ARHGAP28: variants seen among roughly 807,000 people sequenced by gnomAD.
ARHGAP28 encodes Rho GTPase activating protein 28.
ARHGAP28 carries 56 observed loss-of-function variants against 90.7 expected under a neutral mutation model. That is an observed-to-expected ratio of 0.62 (90% CI 0.50 to 0.77). The LOEUF (loss-of-function observed/expected upper bound fraction) is 0.77, where lower values mean the gene tolerates loss of function less well. ARHGAP28 is among the 30% of genes least tolerant of loss of function. ARHGAP28 has a pLI of 0.00. For synonymous variants in ARHGAP28, 308 were observed against 323.3 expected, an observed-to-expected ratio of 0.95 and a Z score of 0.51; for missense variants, 869 against 900.9, an observed-to-expected ratio of 0.96 and a Z score of 0.45.
intron 5 of ARHGAP28, 106 bp from the exon 6 acceptor site, chr18:6,868,044 A>G (rs994657892): frequency 2.3e-6 from 2 of 877,826 alleles, no homozygotes; most frequent in South Asian, 1.8e-5. Flanking sequence ...GGCTTTTTTT[A>G]TGTGAAAATA....
At chr18:6,846,805 T>C (rs2056869614) in intron 3 of ARHGAP28, among the ~76,000 whole-genome samples, 1 of 152,186 alleles carries the variant, frequency 6.6e-6, no homozygotes, top group Non-Finnish European at 1.5e-5. Flanking sequence ...GTCTTCTCTT[T>C]ACCCCGTTGG....
intron 1 of ARHGAP28, among the ~76,000 whole-genome samples, chr18:6,773,475 T>C (rs908326289): frequency 2.0e-5 from 3 of 152,240 alleles, no homozygotes; most frequent in African/African-American, 7.2e-5. Flanking sequence ...GCAGTTCTCA[T>C]AATAGCTTTG....
chr18:6,780,492 G>A (rs545407220), intron 1 of ARHGAP28, among the ~76,000 whole-genome samples: 2 of 151,988 alleles, frequency 1.3e-5, no homozygotes, highest in Admixed American at 6.6e-5. Context: ...CTTGAGCATC[G>A]GTGGAATTTG....
intron 1 of ARHGAP28, among the ~76,000 whole-genome samples, chr18:6,764,727 A>T (rs890687405): frequency 6.6e-6 from 1 of 152,218 alleles, no homozygotes; most frequent in African/African-American, 2.4e-5. Context: ...TTGTAAGGTT[A>T]TTCTGCATCT....
chr18:6,826,914 ATC>A (rs2056669035), intron 2 of ARHGAP28, among the ~76,000 whole-genome samples: 1 of 152,060 alleles, frequency 6.6e-6, no homozygotes, highest in Admixed American at 6.6e-5. Flanking sequence ...GCCTTCAAGC[ATC>A]TGTTTAACAA....
intron 3 of ARHGAP28, chr18:6,850,660 T>TAGAA: frequency 1.5e-6 from 1 of 646,098 alleles, no homozygotes; most frequent in Middle Eastern, 2.6e-4. Context: ...CTCCACCAAG[T>TAGAA]AGAATTACAT....
intron 1 of ARHGAP28, among the ~76,000 whole-genome samples, chr18:6,736,009 A>T (rs1328462291): frequency 1.3e-5 from 2 of 152,172 alleles, no homozygotes; most frequent in Admixed American, 1.3e-4. Context: ...TGTACTATAA[A>T]GTTACGATTT....
chr18:6,891,314 A>AC (rs1338804577), intron 14 of ARHGAP28, among the ~76,000 whole-genome samples: 1 of 151,144 alleles, frequency 6.6e-6, no homozygotes, highest in African/African-American at 2.4e-5. Flanking sequence ...CATTGGAGCT[A>AC]CATTTTTTTT....
intron 4 of ARHGAP28, among the ~76,000 whole-genome samples, chr18:6,851,466 T>A (rs1248076704): frequency 2.0e-5 from 3 of 152,204 alleles, no homozygotes; most frequent in African/African-American, 7.2e-5. Flanking sequence ...AATTAGAACT[T>A]TCATATATTG....
chr18:6,732,575 C>T (rs2055891689), intron 1 of ARHGAP28, among the ~76,000 whole-genome samples: 1 of 152,226 alleles, frequency 6.6e-6, no homozygotes, highest in Admixed American at 6.5e-5. Flanking sequence ...CTGAGCTGCT[C>T]CATCATGGGG....
At chr18:6,849,284 G>A (rs1206406185) in intron 3 of ARHGAP28, among the ~76,000 whole-genome samples, 3 of 150,604 alleles carry the variant, frequency 2.0e-5, no homozygotes, top group Non-Finnish European at 4.4e-5. Flanking sequence ...AAGTTAACCG[G>A]GGTAAGCGTG....
Position 6,870,669 on chromosome 18 carries a change from G to A in ARHGAP28, c.891G>A (p.Thr297=), listed in dbSNP as rs140498442. 78 of 1,612,100 alleles carry A rather than the reference G, an allele frequency of 4.8e-5. 1 individual carries two copies. In the Middle Eastern group the frequency reaches 1.6e-3, roughly 34 times the overall value. Residue 297 remains threonine (T), a synonymous_variant, in exon 7 of 18, where the codon ACG becomes ACA. Transcript: ENST00000383472. ...SFEVSYSEMV[T]EALKRNKLKK... is the part of the protein sequence containing the mutation. ...AAGTGTCTTATTCAGAAATGGTTAC[G>A]GAGGCTCTAAAAAGAAATAAACTTA...
intron 4 of ARHGAP28, among the ~76,000 whole-genome samples, chr18:6,857,693 C>T (rs752842687): frequency 3.3e-5 from 5 of 152,168 alleles, no homozygotes; most frequent in Non-Finnish European, 7.3e-5. Context: ...ATTCACCCTA[C>T]GCCTTCACCT....
intron 1 of ARHGAP28, among the ~76,000 whole-genome samples, chr18:6,752,528 A>C (rs1384605077): frequency 6.6e-6 from 1 of 152,156 alleles, no homozygotes; most frequent in East Asian, 1.9e-4. Flanking sequence ...TTGTGTCTAA[A>C]TTTGAGATCA....
chr18:6,853,666 G>T (rs934835907), intron 4 of ARHGAP28, among the ~76,000 whole-genome samples: 2 of 151,964 alleles, frequency 1.3e-5, no homozygotes, highest in South Asian at 2.1e-4. Context: ...GTAGAGACAG[G>T]GTTTCACCAT....
intron 3 of ARHGAP28, among the ~76,000 whole-genome samples, chr18:6,845,606 G>A (rs1323836844): frequency 6.6e-6 from 1 of 152,078 alleles, no homozygotes; most frequent in African/African-American, 2.4e-5. Flanking sequence ...ACTGTGTGCT[G>A]TTTCCCACCA....
intron 1 of ARHGAP28, among the ~76,000 whole-genome samples, chr18:6,795,773 G>T (rs1455023993): frequency 2.6e-5 from 4 of 152,164 alleles, no homozygotes; most frequent in Non-Finnish European, 5.9e-5. Flanking sequence ...GCTGGGTGTA[G>T]CCCCTATGTG....
intron 1 of ARHGAP28, among the ~76,000 whole-genome samples, chr18:6,795,270 G>C (rs1897288): frequency 6.6e-6 from 1 of 151,904 alleles, no homozygotes; most frequent in African/African-American, 2.4e-5. Context: ...AAGGAAGAGA[G>C]CTGGAGGGGT....
Position 6,890,506 on chromosome 18 carries a change from T to C in ARHGAP28, c.1811T>C (p.Val604Ala), listed in dbSNP as rs1315172509. 1 of 1,613,088 alleles carries C rather than the reference T, an allele frequency of 6.2e-7. No homozygotes were observed. Among genetic ancestry groups the C allele is most frequent in the Non-Finnish European group, 8.5e-7 (1 of 1,179,700 alleles). Reference sequence around the variant, plus strand: ...CTATTGAAGAAGCAGCTCCCAAGTGTCAGGAAGCTGCTCAGGAGGAAGACC... The same window carrying C: ...CTATTGAAGAAGCAGCTCCCAAGTGCCAGGAAGCTGCTCAGGAGGAAGACC... ...TMLLKKQLPS[V>A]RKLLRRKTLE... Residue 604 changes from valine (V) to alanine (A), a missense_variant, in exon 14 of 18, where the codon GTC (valine) becomes GCC (alanine). Physicochemically the swap from Val to Ala is moderately conservative, Grantham distance 64. Coordinates refer to ENST00000383472, the MANE Select transcript of ARHGAP28 (RefSeq NM_001366230.1).
Sources: gnomAD v4.1 joint callset for allele counts (sites outside exome capture counted in the v4.1 genomes callset) on GRCh38, gnomAD v4.1.1 for gene constraint, MANE v1.5 for transcripts, NCBI Gene and HGNC (gene_info 2026-07-23, HGNC 2026-07-21) for gene names.